Variants in ZFX observed in about 807,000 individuals in gnomAD.
The protein encoded by ZFX is zinc finger protein X-linked.
For missense variants in ZFX, 362 were observed against 628.3 expected, an observed-to-expected ratio of 0.58 and a Z score of 4.53; for synonymous variants, 196 against 226.8, an observed-to-expected ratio of 0.86 and a Z score of 1.22.
At chrX:24,206,206 A>G (rs910536625) in intron 5 of ZFX, among the ~76,000 whole-genome samples, 9 of 112,257 alleles carry the variant, frequency 8.0e-5, no homozygotes, top group African/African-American at 2.9e-4. Flanking sequence ...ATTGTGGTGT[A>G]CCTTTCTGGC....
At chrX:24,201,369 T>A (rs1446704769) in intron 5 of ZFX, among the ~76,000 whole-genome samples, 1 of 112,833 alleles carries the variant, frequency 8.9e-6, no homozygotes, top group Non-Finnish European at 1.9e-5. Context: ...AAGTTACAGG[T>A]AAAACCATGA....
intron 5 of ZFX, among the ~76,000 whole-genome samples, chrX:24,184,527 T>C (rs1434704975): frequency 9.0e-6 from 1 of 111,046 alleles, no homozygotes; most frequent in African/African-American, 3.3e-5. Context: ...AGTAACAATT[T>C]ACTCAGCATA....
chrX:24,199,203 C>T (rs906108855), intron 5 of ZFX, among the ~76,000 whole-genome samples: 4 of 110,771 alleles, frequency 3.6e-5, no homozygotes, highest in African/African-American at 1.3e-4. Flanking sequence ...TCACGAGTGA[C>T]CTTGATGAAC....
intron 3 of ZFX, among the ~76,000 whole-genome samples, chrX:24,154,261 G>A (rs1051919505): frequency 1.8e-5 from 2 of 111,526 alleles, no homozygotes; most frequent in Non-Finnish European, 3.8e-5. Flanking sequence ...TCTTTTTGTT[G>A]TTTAAAGAAA....
At chrX:24,154,928 T>C (rs1932644273) in intron 3 of ZFX, among the ~76,000 whole-genome samples, 1 of 110,911 alleles carries the variant, frequency 9.0e-6, no homozygotes, top group Non-Finnish European at 1.9e-5. Context: ...AGGTGGGAGC[T>C]AACTGATGAA....
intron 4 of ZFX, among the ~76,000 whole-genome samples, chrX:24,176,430 ATTTTT>A (rs56241839): frequency 1.5e-5 from 1 of 66,838 alleles, no homozygotes; most frequent in African/African-American, 6.2e-5. Context: ...TTGGCCTTTG[ATTTTT>A]TTTTTTTTTT....
In ZFX at chrX:24,215,603, AAG is replaced by A. The variant is rs1569181731; in HGVS notation, c.*4229_*4230del. ...TCAGCATTTTGTGTGGTAGATAAGA[AAG>A]AAATTATCACAAAAAATCAGAAATG... On this transcript the variant is annotated 3_prime_UTR_variant, in exon 10 of 10. Coordinates refer to ENST00000304543, the MANE Select transcript of ZFX (RefSeq NM_003410.4). 4.5e-5 allele frequency: 5 copies of A among 111,697 alleles called. No homozygotes were observed. In the East Asian group the frequency reaches 8.3e-4, roughly 19 times the overall value. 9.2% of individuals were successfully genotyped at this position (111,697 alleles called of 1,213,427 possible). A position where few individuals can be genotyped will look rare whatever the true frequency, so the allele number is the denominator to read the frequency against.
At chrX:24,159,771 CGT>C (rs1569124112) in intron 3 of ZFX, among the ~76,000 whole-genome samples, 1 of 111,628 alleles carries the variant, frequency 9.0e-6, no homozygotes, top group Non-Finnish European at 1.9e-5. Context: ...CATGAGCCAC[CGT>C]GTCCGAGCGA....
chrX:24,174,717 T>G (rs1934974438), intron 4 of ZFX, among the ~76,000 whole-genome samples: 1 of 109,257 alleles, frequency 9.2e-6, no homozygotes, highest in Admixed American at 9.8e-5. Context: ...TTATTATTAT[T>G]TTATTTTTCT....
chrX:24,173,057 T>C (rs1934777569), intron 4 of ZFX: 4 of 277,045 alleles, frequency 1.4e-5, no homozygotes, highest in Non-Finnish European at 2.5e-5. Flanking sequence ...GATAATATCT[T>C]GACGAGTTAT....
At chrX:24,189,934 A>T (rs1936424070) in intron 5 of ZFX, among the ~76,000 whole-genome samples, 1 of 112,366 alleles carries the variant, frequency 8.9e-6, no homozygotes, top group Admixed American at 9.4e-5. Context: ...AAACCATTTG[A>T]TAAAACACAG....
At chrX:24,162,805 G>C (rs189936207) in intron 3 of ZFX, among the ~76,000 whole-genome samples, 6 of 110,443 alleles carry the variant, frequency 5.4e-5, no homozygotes, top group Admixed American at 1.9e-4. Context: ...GAACATTTTC[G>C]TCACCCCAAA....
At chrX:24,199,126 G>A (rs1029376934) in intron 5 of ZFX, among the ~76,000 whole-genome samples, 1 of 111,696 alleles carries the variant, frequency 9.0e-6, no homozygotes, top group African/African-American at 3.3e-5. Context: ...AGTGAGGAAA[G>A]TAAATCACAG....
chrX:24,209,082 C>T lies in ZFX; in HGVS notation c.1234+42C>T, dbSNP rs773931016. ...TCCATGGCGCAGCGTGCTCTGCGAG[C>T]TCTCAGAGGAAACTCTAGTATGTAT... On this transcript the variant is annotated intron_variant, in intron 9 of 9. Transcript: ENST00000304543. 8 of 1,211,130 alleles carry T rather than the reference C, an allele frequency of 6.6e-6. No individual in the cohort carries two copies. The South Asian group carries it at 1.4e-4, about 21-fold the overall frequency.
At chrX:24,173,855 A>T in intron 4 of ZFX, 1 of 384,899 alleles carries the variant, frequency 2.6e-6, no homozygotes, top group Non-Finnish European at 4.4e-6. Context: ...TCGGTCTCCT[A>T]TAAGTATTGG....
chrX:24,173,473 A>T, intron 4 of ZFX: 1 of 959,519 alleles, frequency 1.0e-6, no homozygotes, highest in Non-Finnish European at 1.4e-6. Context: ...GTACAAGGAA[A>T]AATTATACTC....
chrX:24,195,787 C>T (rs771406710), intron 5 of ZFX, among the ~76,000 whole-genome samples: 10 of 112,029 alleles, frequency 8.9e-5, no homozygotes, highest in South Asian at 3.7e-4. Context: ...CCACCACGCC[C>T]GGCCACTTTC....
In ZFX at chrX:24,206,500, CGTGTGTGTGTGTGTGTGTGT is replaced by C. The variant is rs774457469; in HGVS notation, c.647-795_647-776del. 9.1e-3 allele frequency among the ~76,000 whole-genome samples: 540 copies of C among 59,598 alleles called. 4 individuals carry two copies. Among genetic ancestry groups the C allele is most frequent in the African/African-American group, 0.035 (491 of 14,111 alleles). 51.8% of individuals were successfully genotyped at this position (59,598 alleles called of 115,157 possible). On this transcript the variant is annotated intron_variant, in intron 5 of 9. Transcript: ENST00000304543. ...TACAGGCGCATGCCACCATGCCTGG[CGTGTGTGTGTGTGTGTGTGT>C]GTGTGTGTGTGTGTGTGTGTGTGTG... is the stretch of plus-strand genomic sequence containing the variant.
chrX:24,210,804 G>A lies in ZFX; in HGVS notation c.1846G>A (p.Asp616Asn). 1.7e-6 allele frequency: 2 copies of A among 1,211,611 alleles called. No individual in the cohort carries two copies. The highest frequency in any genetic ancestry group is 2.2e-6 in the Non-Finnish European group (2 of 895,485). The part of the protein sequence containing the change: ...KCDICLLTFS[D>N]TKEVQQHALI... ...TGACATTTGTCTTCTGACTTTCTCG[G>A]ATACCAAAGAGGTGCAGCAACATGC... Residue 616 changes from aspartate to asparagine, a missense_variant, in exon 10 of 10, where the codon GAT becomes AAT. Physicochemically the swap from Asp to Asn is conservative, Grantham distance 23. Coordinates refer to ENST00000304543, the MANE Select transcript of ZFX (RefSeq NM_003410.4).
Sources: gnomAD v4.1 joint callset for allele counts (sites outside exome capture counted in the v4.1 genomes callset) on GRCh38, gnomAD v4.1.1 for gene constraint, MANE v1.5 for transcripts, NCBI Gene and HGNC (gene_info 2026-07-23, HGNC 2026-07-21) for gene names.